LUZP2: variants seen among roughly 807,000 people sequenced by gnomAD.
The protein encoded by LUZP2 is leucine zipper protein 2.
A neutral mutation model predicts 51.6 loss-of-function variants in LUZP2; 52 were observed. The ratio of observed to expected loss-of-function variants is 1.01; its 90% CI spans 0.81 to 1.27. The LOEUF (loss-of-function observed/expected upper bound fraction) is 1.27, where lower values mean the gene tolerates loss of function less well. LUZP2 is among the 50% of genes most tolerant of loss of function. The pLI is 0.00. For synonymous variants in LUZP2, 154 were observed against 137.3 expected (o/e 1.12, Z -0.85); for missense variants, 436 against 395.4 (o/e 1.10, Z -0.87).
chr11:24,608,081 C>A (rs944758949), intron 1 of LUZP2, among the ~76,000 whole-genome samples: 2 of 152,134 alleles, frequency 1.3e-5, no homozygotes, highest in Non-Finnish European at 2.9e-5. Context: ...GATCTCCTGA[C>A]CTCATGATCC....
chr11:24,880,266 C>T (rs980033476), intron 5 of LUZP2, among the ~76,000 whole-genome samples: 3 of 130,552 alleles, frequency 2.3e-5, no homozygotes, highest in South Asian at 5.3e-4. Context: ...ACAATTGCTG[C>T]GCTCTCCCTC....
intron 10 of LUZP2, among the ~76,000 whole-genome samples, chr11:25,055,827 A>G (rs959008929): frequency 5.3e-5 from 8 of 152,146 alleles, no homozygotes; most frequent in Admixed American, 2.0e-4. Context: ...GTAATCATGA[A>G]TATTTAACCC....
At chr11:24,845,532 AGG>A (rs1399585823) in intron 5 of LUZP2, among the ~76,000 whole-genome samples, 3 of 152,050 alleles carry the variant, frequency 2.0e-5, no homozygotes, top group African/African-American at 7.2e-5. Flanking sequence ...GAGGTTTGGG[AGG>A]GGCCAGAGGC....
At chr11:24,684,543 G>T (rs140008455) in intron 1 of LUZP2, among the ~76,000 whole-genome samples, 3 of 152,306 alleles carry the variant, frequency 2.0e-5, no homozygotes, top group Non-Finnish European at 4.4e-5. Flanking sequence ...TGATTCAAAT[G>T]CACGCTGATG....
intron 5 of LUZP2, among the ~76,000 whole-genome samples, chr11:24,833,944 T>C (rs1231831696): frequency 6.6e-6 from 1 of 152,218 alleles, no homozygotes; most frequent in Non-Finnish European, 1.5e-5. Context: ...AATGTCTGGG[T>C]TATTATCCCA....
At chr11:24,708,973 A>G (rs528707866) in intron 1 of LUZP2, among the ~76,000 whole-genome samples, 1 of 152,304 alleles carries the variant, frequency 6.6e-6, no homozygotes, top group South Asian at 2.1e-4. Context: ...TAAATTACCC[A>G]GCTCCATCAA....
intron 10 of LUZP2, among the ~76,000 whole-genome samples, chr11:25,066,894 A>G (rs1158928222): frequency 6.6e-6 from 1 of 151,986 alleles, no homozygotes; most frequent in Non-Finnish European, 1.5e-5. Context: ...TGTTTCTATC[A>G]TCTGCAAGTT....
chr11:24,967,776 T>C (rs1466421314), intron 7 of LUZP2, among the ~76,000 whole-genome samples: 2 of 152,118 alleles, frequency 1.3e-5, no homozygotes, highest in African/African-American at 4.8e-5. Flanking sequence ...ACATTACCTA[T>C]AAGTTCCTAA....
chr11:25,018,331 C>T (rs1857225143), intron 9 of LUZP2, among the ~76,000 whole-genome samples: 1 of 152,024 alleles, frequency 6.6e-6, no homozygotes, highest in Non-Finnish European at 1.5e-5. Context: ...GCTGGGACTT[C>T]CTCCTTTCCA....
At chr11:25,058,776 A>G (rs1193625015) in intron 10 of LUZP2, among the ~76,000 whole-genome samples, 3 of 152,198 alleles carry the variant, frequency 2.0e-5, no homozygotes, top group Admixed American at 2.0e-4. Flanking sequence ...GGCTCCATCA[A>G]CTGAATTTGG....
intron 1 of LUZP2, among the ~76,000 whole-genome samples, chr11:24,608,726 C>T (rs4514412): frequency 0.018 from 2,685 of 152,092 alleles, 78 homozygotes; most frequent in African/African-American, 0.062. Flanking sequence ...CCTTGTTCAA[C>T]AAATATTATA....
intron 9 of LUZP2, among the ~76,000 whole-genome samples, chr11:25,022,908 A>G (rs1397634678): frequency 6.6e-6 from 1 of 152,072 alleles, no homozygotes; most frequent in Non-Finnish European, 1.5e-5. Context: ...TGAGATAATC[A>G]TGTGATTTTT....
intron 1 of LUZP2, among the ~76,000 whole-genome samples, chr11:24,525,262 G>C (rs1344391110): frequency 6.6e-6 from 1 of 151,524 alleles, no homozygotes; most frequent in East Asian, 1.9e-4. Context: ...TGCTTCATGA[G>C]GAAGAACATT....
intron 9 of LUZP2, among the ~76,000 whole-genome samples, chr11:25,049,463 C>CTTTTT (rs992508239): frequency 7.2e-5 from 11 of 152,140 alleles, no homozygotes; most frequent in Non-Finnish European, 1.5e-4. Flanking sequence ...CTTTTCTTTT[C>CTTTTT]TTTATTCTCT....
At chr11:24,523,661 G>T (rs997330692) in intron 1 of LUZP2, among the ~76,000 whole-genome samples, 1 of 151,282 alleles carries the variant, frequency 6.6e-6, no homozygotes, top group Non-Finnish European at 1.5e-5. Context: ...GTAATCAAAG[G>T]TAAATGAGCC....
chr11:24,760,616 G>A (rs1859945515), intron 4 of LUZP2, among the ~76,000 whole-genome samples: 1 of 152,114 alleles, frequency 6.6e-6, no homozygotes, highest in South Asian at 2.1e-4. Context: ...TGGGTTTTCT[G>A]TAACAACTGA....
chr11:24,627,602 G>A (rs1007554054), intron 1 of LUZP2, among the ~76,000 whole-genome samples: 9 of 152,188 alleles, frequency 5.9e-5, no homozygotes, highest in Admixed American at 5.9e-4. Context: ...ATGAAATCCA[G>A]ATATTCGCTT....
chr11:24,546,868 T>G (rs748449763), intron 1 of LUZP2, among the ~76,000 whole-genome samples: 6 of 152,020 alleles, frequency 3.9e-5, no homozygotes, highest in Non-Finnish European at 8.8e-5. Flanking sequence ...TCTTTGTACA[T>G]CTGGTATACA....
chr11:24,518,515 A>G (rs1293811539), intron 1 of LUZP2, among the ~76,000 whole-genome samples: 1 of 152,214 alleles, frequency 6.6e-6, no homozygotes, highest in Non-Finnish European at 1.5e-5. Flanking sequence ...ATGGAAGAGA[A>G]ACTGTTAAAA....
Sources: allele counts gnomAD v4.1 joint callset (sites outside exome capture counted in the v4.1 genomes callset), GRCh38; gene constraint gnomAD v4.1.1; transcripts MANE v1.5; gene names NCBI Gene and HGNC (gene_info 2026-07-23, HGNC 2026-07-21).